ITPRID1: variants seen among roughly 807,000 people sequenced by gnomAD.
ITPRID1 encodes the protein ITPR interacting domain containing 1, also known as protein ITPRID1.
ITPRID1 carries 96 observed loss-of-function variants against 95.4 expected under a neutral mutation model. The observed-to-expected ratio is 1.01, with a 90% confidence interval of 0.85 to 1.19. The LOEUF is 1.19. Ranked by LOEUF, ITPRID1 falls within the 50% of genes most tolerant of loss-of-function variation. ITPRID1 has a pLI of 0.00. For synonymous variants in ITPRID1, 510 were observed against 453.6 expected, an observed-to-expected ratio of 1.12 and a Z score of -1.58; for missense variants, 1,339 against 1,252.9, an observed-to-expected ratio of 1.07 and a Z score of -1.04.
At chr7:31,649,217 A>C (rs983244773) in intron 12 of ITPRID1, among the ~76,000 whole-genome samples, 1 of 152,240 alleles carries the variant, frequency 6.6e-6, no homozygotes, top group Non-Finnish European at 1.5e-5. Flanking sequence ...TACTCTTAGG[A>C]AAGTATTTCC....
intron 10 of ITPRID1, among the ~76,000 whole-genome samples, chr7:31,623,968 A>G (rs1473380406): frequency 2.0e-5 from 3 of 149,640 alleles, no homozygotes; most frequent in South Asian, 2.1e-4. Flanking sequence ...GCATTCTTAT[A>G]CACCAATAAC....
At chr7:31,544,172 A>G (rs1393362238) in intron 1 of ITPRID1, among the ~76,000 whole-genome samples, 1 of 152,112 alleles carries the variant, frequency 6.6e-6, no homozygotes, top group Non-Finnish European at 1.5e-5. Flanking sequence ...TCTTAGTGGG[A>G]CAGCTTCAAG....
At chr7:31,626,277 G>A (rs1299572948) in intron 10 of ITPRID1, among the ~76,000 whole-genome samples, 1 of 152,088 alleles carries the variant, frequency 6.6e-6, no homozygotes, top group Non-Finnish European at 1.5e-5. Flanking sequence ...TATTAAAATT[G>A]CTTTTTAAAA....
At chr7:31,617,263 T>A (rs1222496424) in intron 10 of ITPRID1, among the ~76,000 whole-genome samples, 1 of 14,200 alleles carries the variant, frequency 7.0e-5, no homozygotes, top group Non-Finnish European at 3.4e-4. Flanking sequence ...TAACAACAAT[T>A]TAACTTTGCA....
chr7:31,656,821 T>G (rs1791327508), downstream of ITPRID1, among the ~76,000 whole-genome samples: 1 of 151,998 alleles, frequency 6.6e-6, no homozygotes, highest in Admixed American at 6.6e-5. Context: ...CTCCAAACAT[T>G]TAATGGTTTA....
intron 10 of ITPRID1, among the ~76,000 whole-genome samples, chr7:31,621,859 C>T (rs1385232528): frequency 2.0e-5 from 3 of 151,794 alleles, no homozygotes; most frequent in African/African-American, 4.8e-5. Context: ...ATTCAGGAAA[C>T]CCATCTCACA....
At chr7:31,621,723 A>C (rs1787917469) in intron 10 of ITPRID1, among the ~76,000 whole-genome samples, 1 of 146,928 alleles carries the variant, frequency 6.8e-6, no homozygotes, top group African/African-American at 2.6e-5. Flanking sequence ...ACCAGCTAAC[A>C]TCATAATGAC....
chr7:31,626,765 G>A (rs1466002332), intron 10 of ITPRID1, among the ~76,000 whole-genome samples: 1 of 152,140 alleles, frequency 6.6e-6, no homozygotes, highest in Non-Finnish European at 1.5e-5. Context: ...CACATGCTCA[G>A]AGTTCATTCT....
intron 7 of ITPRID1, among the ~76,000 whole-genome samples, chr7:31,573,390 C>A: frequency 1.3e-5 from 2 of 149,668 alleles, no homozygotes. Context: ...AAAAAAGAGA[C>A]ACAAAATAAT....
At chr7:31,558,125 TTC>T (rs1784510813) in intron 5 of ITPRID1, among the ~76,000 whole-genome samples, 1 of 145,360 alleles carries the variant, frequency 6.9e-6, no homozygotes, top group Non-Finnish European at 1.6e-5. Flanking sequence ...GGTCCCCATT[TTC>T]TCTCTCTCTT....
At chr7:31,517,598 G>C (rs217152) in intron 1 of ITPRID1, 132,659 of 153,078 alleles carry the variant, frequency 0.87, 57,954 homozygotes, top group African/African-American at 0.97. Context: ...CAGGCGCCGG[G>C]TGCGCCTGTG....
At chr7:31,582,694 AAAAT>A (rs1284908975) in intron 9 of ITPRID1, among the ~76,000 whole-genome samples, 22 of 152,322 alleles carry the variant, frequency 1.4e-4, no homozygotes, top group African/African-American at 5.3e-4. Flanking sequence ...AAAAATTTCA[AAAAT>A]AAATTTTGTT....
chr7:31,627,659 CAAAAAAA>C (rs3078462), intron 10 of ITPRID1, among the ~76,000 whole-genome samples: 1 of 75,518 alleles, frequency 1.3e-5, no homozygotes, highest in Non-Finnish European at 2.4e-5. Flanking sequence ...GACACTGTCT[CAAAAAAA>C]AAAAAAAAAA....
chr7:31,657,876 A>T (rs1178783864), downstream of ITPRID1, among the ~76,000 whole-genome samples: 1 of 152,232 alleles, frequency 6.6e-6, no homozygotes, highest in Non-Finnish European at 1.5e-5. Context: ...GAAAAAGTAA[A>T]ATCACACTAA....
chr7:31,638,671 TC>T (rs1789714905), intron 10 of ITPRID1, among the ~76,000 whole-genome samples: 1 of 152,250 alleles, frequency 6.6e-6, no homozygotes, highest in Non-Finnish European at 1.5e-5. Flanking sequence ...AAATCTGCCA[TC>T]CTTATCTTTG....
rs1791269570 is a variant in ITPRID1, at chr7:31,655,709, C to T, written c.*2880C>T. On this transcript the variant is annotated 3_prime_UTR_variant, in exon 15 of 15. Transcript: ENST00000615280. ...ATGGCTCAGCTCCCAGCCAAATTGA[C>T]TCCTGATGCATTGCATTTGTGCCTC... 3.2e-5 allele frequency: 32 copies of T among 985,412 alleles called. No homozygotes were observed. Among genetic ancestry groups the T allele is most frequent in the Non-Finnish European group, 3.7e-5 (31 of 829,714 alleles). The allele number at this position is 985,412 out of a possible 1,614,324, so 61.0% of individuals were successfully genotyped here.
intron 10 of ITPRID1, among the ~76,000 whole-genome samples, chr7:31,601,543 A>G (rs753211106): frequency 4.6e-5 from 7 of 152,136 alleles, no homozygotes; most frequent in Non-Finnish European, 8.8e-5. Context: ...TAAATAACAA[A>G]ATTGCTCAAA....
Position 31,574,554 on chromosome 7 carries a change from T to C in ITPRID1, c.410T>C (p.Leu137Pro). Reference sequence around the variant, plus strand: ...TTTTACCACAGCATTCCTGAATGGCTGGAATTTTGGGAGATAGATCCAGTG... The same window carrying C: ...TTTTACCACAGCATTCCTGAATGGCCGGAATTTTGGGAGATAGATCCAGTG... The part of the protein sequence containing the change: ...ASVPQSIPEW[L>P]EFWEIDPVEI... The change falls in exon 8 of 15, where the codon CTG becomes CCG. Residue 137 changes from leucine to proline, a missense_variant. By Grantham distance (98) the Leu-to-Pro change is moderately conservative (BLOSUM62 -3). Coordinates refer to ENST00000615280, the MANE Select transcript of ITPRID1 (RefSeq NM_001257967.3). The C allele has an allele frequency of 6.2e-7, 1 of 1,613,112 alleles. No individual in the cohort carries two copies. Among genetic ancestry groups the C allele is most frequent in the Non-Finnish European group, 8.5e-7 (1 of 1,179,112 alleles).
intron 4 of ITPRID1, 138 bp downstream of exon 4, chr7:31,554,661 TA>T (rs1490770949): frequency 1.3e-5 from 15 of 1,153,918 alleles, no homozygotes; most frequent in Non-Finnish European, 1.8e-5. Flanking sequence ...ATTATTCTAT[TA>T]TTGTAAAAAC....
Sources: allele counts gnomAD v4.1 joint callset (sites outside exome capture counted in the v4.1 genomes callset), GRCh38; gene constraint gnomAD v4.1.1; transcripts MANE v1.5; gene names NCBI Gene and HGNC (gene_info 2026-07-23, HGNC 2026-07-21).